The following AZI2 variants were observed in gnomAD, a reference collection of about 807,000 sequenced individuals.
AZI2 encodes 5-azacytidine-induced protein 2.
AZI2 carries 22 observed loss-of-function variants against 45.8 expected under a neutral mutation model. The observed-to-expected ratio is 0.48, with a 90% CI of 0.34 to 0.69. The LOEUF (loss-of-function observed/expected upper bound fraction) is 0.69. AZI2 is among the 30% of genes least tolerant of loss of function. The probability of loss-of-function intolerance (pLI) is 0.01; values close to 1 mark genes in which losing one functional copy is unlikely to be tolerated. For missense variants in AZI2, 417 were observed against 441.5 expected (o/e 0.94, Z 0.50); for synonymous variants, 137 against 156.7 (o/e 0.87, Z 0.94).
At chr3:28,328,289 A>G (rs1703454947) in intron 6 of AZI2, among the ~76,000 whole-genome samples, 1 of 151,126 alleles carries the variant, frequency 6.6e-6, no homozygotes, top group Admixed American at 6.6e-5. Context: ...AACCTGTCTT[A>G]AGTGTGAAGA....
chr3:28,343,163 C>A (rs1475826173), intron 1 of AZI2, among the ~76,000 whole-genome samples: 1 of 151,844 alleles, frequency 6.6e-6, no homozygotes, highest in Non-Finnish European at 1.5e-5. Context: ...AAATTTGAAA[C>A]AACAGAATGT....
chr3:28,331,622 G>C, intron 6 of AZI2: 1 of 1,151,202 alleles, frequency 8.7e-7, no homozygotes, highest in Non-Finnish European at 1.1e-6. Context: ...ATAGAAATTG[G>C]CCTGACACAA....
chr3:28,337,913 A>G (rs1480743058), intron 4 of AZI2, 24 bp downstream of exon 4: 1 of 1,376,512 alleles, frequency 7.3e-7, no homozygotes, highest in East Asian at 2.4e-5. Flanking sequence ...CTGTTAGAAT[A>G]TTTATAACAA....
intron 6 of AZI2, 56 bp downstream of exon 6, chr3:28,332,312 CA>C (rs1337858425): frequency 6.7e-7 from 1 of 1,487,774 alleles, no homozygotes; most frequent in African/African-American, 1.4e-5. Context: ...AGGACCTACA[CA>C]AAGTGACTTA....
rs1360757703 is a variant in AZI2 at position 28,323,137 on chromosome 3, A to G, written c.*905T>C. The stretch of plus-strand genomic sequence containing the variant: ...AAATAGAATATTACATTTCAACACA[A>G]AGTCTAACAATTTAGAAGCTGCTCT... On this transcript the variant is annotated 3_prime_UTR_variant, in exon 8 of 8. Coordinates refer to ENST00000479665, the MANE Select transcript of AZI2 (RefSeq NM_022461.5). 2 of 150,662 alleles carry G rather than the reference A, an allele frequency of 1.3e-5. No individual in the cohort carries two copies. Among genetic ancestry groups the G allele is most frequent in the African/African-American group, 4.9e-5 (2 of 41,166 alleles). The allele number at this position is 150,662 out of a possible 1,614,324, so 9.3% of individuals were successfully genotyped here.
intron 5 of AZI2, among the ~76,000 whole-genome samples, chr3:28,335,859 A>C (rs984049972): frequency 6.6e-6 from 1 of 152,030 alleles, no homozygotes; most frequent in Non-Finnish European, 1.5e-5. Flanking sequence ...GGTAGGCAAA[A>C]TGGTTGAGTG....
At chr3:28,326,720 A>G (rs1213661164) in intron 7 of AZI2, 112 bp downstream of exon 7, 5 of 849,854 alleles carry the variant, frequency 5.9e-6, no homozygotes, top group Non-Finnish European at 2.1e-6. Context: ...TGTACTATAT[A>G]TACTTTGGCT....
intron 6 of AZI2, chr3:28,327,151 T>C (rs1221878953): frequency 3.9e-6 from 2 of 517,206 alleles, no homozygotes; most frequent in Non-Finnish European, 6.9e-6. Flanking sequence ...CCATCTGATA[T>C]GTAGCAATTA....
chr3:28,336,499 A>G (rs966227324), intron 5 of AZI2, among the ~76,000 whole-genome samples: 6 of 152,084 alleles, frequency 3.9e-5, no homozygotes, highest in African/African-American at 1.4e-4. Context: ...CTTACTAAAA[A>G]TCAACCTTTT....
intron 6 of AZI2, among the ~76,000 whole-genome samples, chr3:28,329,772 T>TC (rs1367055829): frequency 6.6e-6 from 1 of 151,048 alleles, no homozygotes; most frequent in Non-Finnish European, 1.5e-5. Flanking sequence ...CAACTGCGGT[T>TC]CCCCCCAAAC....
rs73825131 is a variant in AZI2, at chr3:28,338,084, G to A, written c.340-48C>T. On this transcript the variant is annotated intron_variant, in intron 3 of 7. Coordinates refer to ENST00000479665, the MANE Select transcript of AZI2 (RefSeq NM_022461.5). ...AAATTACATTCAATAAAATCTACAC[G>A]TTGGTATATTGTAATTTTCAGGAAG... 296 of 1,093,746 alleles carry A rather than the reference G, an allele frequency of 2.7e-4. 2 individuals carry two copies. The African/African-American group carries it at 4.2e-3, about 15-fold the overall frequency. 67.8% of individuals were successfully genotyped at this position (1,093,746 alleles called of 1,614,324 possible).
intron 7 of AZI2, chr3:28,324,894 T>G (rs531755929): frequency 6.6e-6 from 1 of 152,222 alleles, no homozygotes; most frequent in African/African-American, 2.4e-5. Context: ...TTCTTAAGTT[T>G]TAGCATTTTT....
At chr3:28,330,363 C>T (rs1176336289) in intron 6 of AZI2, among the ~76,000 whole-genome samples, 8 of 151,290 alleles carry the variant, frequency 5.3e-5, no homozygotes, top group Admixed American at 1.3e-4. Flanking sequence ...TCCAAAAAAG[C>T]AAGTTATCTA....
At position 28,330,712 on chromosome 3, in the gene AZI2, G is replaced by A. The variant is rs139444442; in HGVS notation, c.647+1657C>T. Among the ~76,000 whole-genome samples, 3 of 151,258 alleles carry A rather than the reference G, an allele frequency of 2.0e-5. No homozygotes were observed. The Admixed American group carries it at 2.0e-4, about 10-fold the overall frequency. On this transcript the variant is annotated intron_variant, in intron 6 of 7. Coordinates refer to ENST00000479665, the MANE Select transcript of AZI2 (RefSeq NM_022461.5). ...AGAGAGAAACCTAATCAGTTTTGCA[G>A]TTCACATTGTCTACCTGATACAAAT...
At chr3:28,341,985 G>T (rs914095241) in intron 1 of AZI2, among the ~76,000 whole-genome samples, 1 of 152,032 alleles carries the variant, frequency 6.6e-6, no homozygotes. Context: ...CTACAGCCAC[G>T]TTTCCAACCC....
chr3:28,338,609 C>G lies in AZI2; in HGVS notation c.223G>C (p.Ala75Pro), dbSNP rs751859749. The G allele has an allele frequency of 6.2e-7, 1 of 1,608,906 alleles. No homozygotes were observed. The highest frequency in any genetic ancestry group is 2.2e-5 in the East Asian group (1 of 44,730). ...GAACTTGTTTCTTCTTCAAATCGAG[C>G]TATTAGCTAACGGTATGAAATTAGA... The part of the protein sequence containing the change: ...RIRFLEEKLI[A>P]RFEEETSSVG... The change falls in exon 3 of 8, where the codon GCT becomes CCT. Residue 75 changes from alanine to proline, a missense_variant. Transcript: ENST00000479665.
At chr3:28,336,598 A>T (rs1184337749) in intron 5 of AZI2, 139 bp downstream of exon 5, 2 of 943,486 alleles carry the variant, frequency 2.1e-6, no homozygotes, top group African/African-American at 1.7e-5. Context: ...TAGATAAACA[A>T]GAATTTTTTA....
Position 28,321,861 on chromosome 3 carries a change from T to C in AZI2, c.*2181A>G, listed in dbSNP as rs755998037. 1.3e-5 allele frequency: 2 copies of C among 151,414 alleles called. No homozygotes were observed. Among genetic ancestry groups the C allele is most frequent in the Non-Finnish European group, 3.0e-5 (2 of 67,544 alleles). The allele number at this position is 151,414 out of a possible 1,614,324, so 9.4% of individuals were successfully genotyped here. A position where few individuals can be genotyped will look rare whatever the true frequency, so the allele number is the denominator to read the frequency against. On this transcript the variant is annotated 3_prime_UTR_variant, in exon 8 of 8. Transcript: ENST00000479665. The stretch of plus-strand genomic sequence containing the variant: ...GCAAGAGGAAGGAATAGGTGGCTTT[T>C]TGTTATGTTTTCTTCATTCTGTCGA...
chr3:28,328,611 T>C (rs2125641393), intron 6 of AZI2, among the ~76,000 whole-genome samples: 1 of 151,274 alleles, frequency 6.6e-6, no homozygotes, highest in South Asian at 2.1e-4. Flanking sequence ...TAATGAAGAC[T>C]GCTTAAAACT....
Sources: gnomAD v4.1 joint callset for allele counts (sites outside exome capture counted in the v4.1 genomes callset) on GRCh38, gnomAD v4.1.1 for gene constraint, MANE v1.5 for transcripts, NCBI Gene and HGNC (gene_info 2026-07-23, HGNC 2026-07-21) for gene names.